TMEM132B: variants seen among roughly 807,000 people sequenced by gnomAD.
The protein encoded by TMEM132B is transmembrane protein 132B.
TMEM132B carries 18 observed loss-of-function variants against 90.8 expected under a neutral mutation model. The observed-to-expected ratio is 0.20, with a 90% CI of 0.14 to 0.29. The LOEUF is 0.29. TMEM132B is among the 10% of genes least tolerant of loss of function. The pLI, the probability that TMEM132B is intolerant of heterozygous loss-of-function variation, is 1.00. For missense variants in TMEM132B, 1,096 were observed against 1,326.8 expected (o/e 0.83, Z 2.70); for synonymous variants, 504 against 523.3 (o/e 0.96, Z 0.50).
At chr12:125,275,015 G>A (rs918040217) in intron 1 of TMEM132B, among the ~76,000 whole-genome samples, 3 of 152,168 alleles carry the variant, frequency 2.0e-5, no homozygotes, top group Non-Finnish European at 4.4e-5. Context: ...GGTGGGACAT[G>A]GTTAACTTAC....
At chr12:125,224,490 A>G (rs915961146) in intron 1 of TMEM132B, among the ~76,000 whole-genome samples, 14 of 152,208 alleles carry the variant, frequency 9.2e-5, no homozygotes, top group Non-Finnish European at 1.8e-4. Context: ...CTCCTTGACC[A>G]CTGTGCAGTG....
chr12:125,650,699 G>A lies in TMEM132B; in HGVS notation c.1660G>A (p.Asp554Asn), dbSNP rs750662543. 6 of 1,608,160 alleles carry A rather than the reference G, an allele frequency of 3.7e-6. No individual in the cohort carries two copies. The highest frequency in any genetic ancestry group is 5.1e-6 in the Non-Finnish European group (6 of 1,174,920). Reference protein sequence around the residue: ...AANRRPTRESDDEDDEEKKGR... With the variant: ...AANRRPTRESNDEDDEEKKGR... ...GTGCTCCAGGCCTACCCGGGAAAGC[G>A]ATGACGAGGACGATGAGGAGAAGAA... is the stretch of plus-strand genomic sequence containing the variant. The change falls in exon 7 of 9, where the codon GAT (aspartate) becomes AAT (asparagine). Residue 554 changes from aspartate (D) to asparagine (N), a missense_variant. Coordinates refer to ENST00000682704, the MANE Select transcript of TMEM132B (RefSeq NM_001366854.1).
chr12:125,408,371 A>C lies in TMEM132B; in HGVS notation c.960-7160A>C, dbSNP rs537341055. ...AGGAGGTGGGGCCTTTTGGGAGATT[A>C]GGTCATCTCCCTAAAGGAATGGGAT... On this transcript the variant is annotated intron_variant, in intron 2 of 8. Transcript: ENST00000682704. The surrounding 1 kb of genome is among the most constrained non-coding windows in gnomAD (Gnocchi z 5.9). 6.6e-6 allele frequency among the ~76,000 whole-genome samples: 1 copy of C among 152,266 alleles called. No individual in the cohort carries two copies. Among genetic ancestry groups the C allele is most frequent in the East Asian group, 1.9e-4 (1 of 5,184 alleles).
chr12:125,212,245 A>G lies in TMEM132B; in HGVS notation c.67+25379A>G, dbSNP rs139748007. On this transcript the variant is annotated intron_variant, in intron 1 of 8. Transcript: ENST00000682704. ...TTTTTGGGCATGGAGAACCTTTAAGATACTGGTGCCCAGGCAGGATCTAGA... is the reference window on the plus strand; with the variant it reads ...TTTTTGGGCATGGAGAACCTTTAAGGTACTGGTGCCCAGGCAGGATCTAGA... Among the ~76,000 whole-genome samples, 885 of 152,292 alleles carry G rather than the reference A, an allele frequency of 5.8e-3. 9 individuals carry two copies. Among genetic ancestry groups the G allele is most frequent in the African/African-American group, 0.02 (840 of 41,556 alleles).
At chr12:125,334,564 A>G (rs1258956546) in intron 1 of TMEM132B, among the ~76,000 whole-genome samples, 1 of 152,146 alleles carries the variant, frequency 6.6e-6, no homozygotes, top group African/African-American at 2.4e-5. Context: ...TCTGCCTTTG[A>G]AGCAAGTTCT....
Position 125,517,352 on chromosome 12 carries a change from T to G in TMEM132B, c.1107-2087T>G, listed in dbSNP as rs1223776072. Among the ~76,000 whole-genome samples, 26 of 110,950 alleles carry G rather than the reference T, an allele frequency of 2.3e-4. 2 individuals carry two copies. The highest frequency in any genetic ancestry group is 7.6e-4 in the African/African-American group (23 of 30,358). 72.8% of individuals were successfully genotyped at this position (110,950 alleles called of 152,430 possible). On this transcript the variant is annotated intron_variant, in intron 3 of 8. Transcript: ENST00000682704. ...ATTTTTTTTTTTTTTTTTTTTTTTT[T>G]TTTTTTTTTTTTTGCATTTTTAGTA...
chr12:125,560,829 CTCAAAAAAAA>C, intron 4 of TMEM132B, among the ~76,000 whole-genome samples: 1 of 12,198 alleles, frequency 8.2e-5, no homozygotes, highest in Non-Finnish European at 1.1e-4. Context: ...GAGACTCTGT[CTCAAAAAAAA>C]AAAAAAAAAA....
Position 125,407,970 on chromosome 12 carries a change from G to A in TMEM132B, c.960-7561G>A, listed in dbSNP as rs1432979129. On this transcript the variant is annotated intron_variant, in intron 2 of 8. Coordinates refer to ENST00000682704, the MANE Select transcript of TMEM132B (RefSeq NM_001366854.1). This position sits in a 1 kb window ranked among gnomAD's most constrained non-coding sequence, Gnocchi z 6.7. ...GAGTTCTCACAACCACCAAGTAATC[G>A]GCATGCAGAAGGAGAGACAGAGCAT... 3.3e-5 allele frequency among the ~76,000 whole-genome samples: 5 copies of A among 152,166 alleles called. No homozygotes were observed. The highest frequency in any genetic ancestry group is 1.9e-4 in the East Asian group (1 of 5,198).
chr12:125,238,382 A>AC (rs1457055404), intron 1 of TMEM132B, among the ~76,000 whole-genome samples: 5 of 146,810 alleles, frequency 3.4e-5, no homozygotes, highest in South Asian at 2.2e-4. Context: ...AAAAACAAAA[A>AC]AAAACCAAAA....
intron 2 of TMEM132B, among the ~76,000 whole-genome samples, chr12:125,391,781 T>C (rs1879028985): frequency 6.6e-6 from 1 of 152,206 alleles, no homozygotes; most frequent in Non-Finnish European, 1.5e-5. Flanking sequence ...AATTAGTTTT[T>C]TGAGACAAGG....
chr12:125,470,561 ACC>A (rs1881687164), intron 3 of TMEM132B, among the ~76,000 whole-genome samples: 1 of 152,130 alleles, frequency 6.6e-6, no homozygotes, highest in Admixed American at 6.5e-5. Flanking sequence ...CCCTCTGGAA[ACC>A]CACTTTCTTT....
At chr12:125,545,601 G>A (rs929476028) in intron 4 of TMEM132B, among the ~76,000 whole-genome samples, 1 of 152,214 alleles carries the variant, frequency 6.6e-6, no homozygotes, top group Non-Finnish European at 1.5e-5. Flanking sequence ...TGGCCACTGT[G>A]TGTCACTGTG....
intron 1 of TMEM132B, among the ~76,000 whole-genome samples, chr12:125,203,201 CA>C (rs1367353094): frequency 6.6e-6 from 1 of 152,192 alleles, no homozygotes; most frequent in Non-Finnish European, 1.5e-5. Context: ...AGCCATCTGC[CA>C]GTAATTACTG....
intron 3 of TMEM132B, among the ~76,000 whole-genome samples, chr12:125,453,429 C>A (rs1381705642): frequency 6.6e-6 from 1 of 152,122 alleles, no homozygotes; most frequent in African/African-American, 2.4e-5. Flanking sequence ...TTACTTTTGT[C>A]GACCTCAAAG....
chr12:125,441,693 T>A (rs1460716182), intron 3 of TMEM132B, among the ~76,000 whole-genome samples: 1 of 152,208 alleles, frequency 6.6e-6, no homozygotes, highest in Non-Finnish European at 1.5e-5. Context: ...TTTAAAAGGC[T>A]GGTGTAGCCT....
chr12:125,576,312 C>T (rs1884939842), intron 4 of TMEM132B, among the ~76,000 whole-genome samples: 1 of 151,916 alleles, frequency 6.6e-6, no homozygotes, highest in Admixed American at 6.6e-5. Flanking sequence ...TTTAGATTTT[C>T]ATCTTGTATC....
chr12:125,456,862 A>T (rs1593156243), intron 3 of TMEM132B, among the ~76,000 whole-genome samples: 1 of 152,194 alleles, frequency 6.6e-6, no homozygotes, highest in East Asian at 1.9e-4. Flanking sequence ...CTGTAGCAAA[A>T]TGTATGTTTT....
At chr12:125,611,381 A>G (rs949999660) in intron 5 of TMEM132B, among the ~76,000 whole-genome samples, 2 of 149,950 alleles carry the variant, frequency 1.3e-5, no homozygotes, top group Non-Finnish European at 3.0e-5. Flanking sequence ...ATTTTTCTCT[A>G]TTTTTTTCTA....
intron 1 of TMEM132B, among the ~76,000 whole-genome samples, chr12:125,343,795 G>T (rs1877270510): frequency 6.6e-6 from 1 of 152,102 alleles, no homozygotes; most frequent in Non-Finnish European, 1.5e-5. Flanking sequence ...GCAGCTCTTT[G>T]GTTGGCAAAC....
Sources: allele counts gnomAD v4.1 joint callset (sites outside exome capture counted in the v4.1 genomes callset), GRCh38; gene constraint gnomAD v4.1.1; non-coding constraint Gnocchi (gnomAD v3.1); transcripts MANE v1.5; gene names NCBI Gene and HGNC (gene_info 2026-07-23, HGNC 2026-07-21).